Variants in ABTB2 observed in about 807,000 individuals in gnomAD.
ABTB2 encodes the protein ankyrin repeat and BTB/POZ domain-containing protein 2.
A neutral mutation model predicts 104.1 loss-of-function variants in ABTB2; 56 were observed. That is an observed-to-expected ratio of 0.54 (90% CI 0.43 to 0.67). The LOEUF (loss-of-function observed/expected upper bound fraction) is 0.67. Ranked by LOEUF, ABTB2 falls within the 30% of genes least tolerant of loss-of-function variation. The pLI is 0.00. For synonymous variants in ABTB2, 606 were observed against 608.2 expected (o/e 1.00, Z 0.05); for missense variants, 1,279 against 1,407.7 (o/e 0.91, Z 1.46).
intron 1 of ABTB2, among the ~76,000 whole-genome samples, chr11:34,256,431 G>T (rs529534702): frequency 6.6e-6 from 1 of 152,126 alleles, no homozygotes; most frequent in African/African-American, 2.4e-5. Flanking sequence ...AAACAAACCC[G>T]GTTTTGTCAT....
intron 3 of ABTB2, among the ~76,000 whole-genome samples, chr11:34,185,982 AC>A (rs1853092648): frequency 6.6e-6 from 1 of 151,992 alleles, no homozygotes. Flanking sequence ...CAACAACAAA[AC>A]CCCCCAAACC....
intron 2 of ABTB2, among the ~76,000 whole-genome samples, chr11:34,202,464 G>A (rs1309411566): frequency 7.0e-6 from 1 of 142,988 alleles, no homozygotes; most frequent in Non-Finnish European, 1.6e-5. Flanking sequence ...GGATTTTACC[G>A]AGTGAGCCGG....
chr11:34,186,442 G>T (rs994347367), intron 3 of ABTB2, among the ~76,000 whole-genome samples: 5 of 152,180 alleles, frequency 3.3e-5, no homozygotes, highest in Non-Finnish European at 7.3e-5. Context: ...CTCCAGCTTC[G>T]CCTCGGAAGC....
intron 6 of ABTB2, 32 bp downstream of exon 6, chr11:34,167,871 G>C (rs190965884): frequency 8.7e-6 from 14 of 1,610,042 alleles, no homozygotes; most frequent in Non-Finnish European, 1.1e-5. Flanking sequence ...GCTGGCCTAG[G>C]GCCTGGGTGC....
chr11:34,263,205 G>A (rs1854209186), intron 1 of ABTB2, among the ~76,000 whole-genome samples: 1 of 152,090 alleles, frequency 6.6e-6, no homozygotes, highest in African/African-American at 2.4e-5. Flanking sequence ...ACAGAGAGGA[G>A]CCATGGAGTG....
chr11:34,238,140 G>A (rs904709941), intron 1 of ABTB2, among the ~76,000 whole-genome samples: 1 of 152,068 alleles, frequency 6.6e-6, no homozygotes, highest in Non-Finnish European at 1.5e-5. Context: ...AGCCTCTCTG[G>A]CTACCCACAC....
rs533041688 is a variant in ABTB2 at position 34,220,061 on chromosome 11, G to T, written c.884-15371C>A. 7.2e-5 allele frequency among the ~76,000 whole-genome samples: 11 copies of T among 152,344 alleles called. No individual in the cohort carries two copies. In the South Asian group the frequency reaches 1.0e-3, roughly 14 times the overall value. ...AGTTAAGCAACAATATGCAATACCA[G>T]AGGGACTGAAGGGGTGGAGGAGGTA... On this transcript the variant is annotated intron_variant, in intron 1 of 16. Transcript: ENST00000435224.
At chr11:34,317,898 T>G (rs1379601242) in intron 1 of ABTB2, among the ~76,000 whole-genome samples, 2 of 152,106 alleles carry the variant, frequency 1.3e-5, no homozygotes, top group East Asian at 3.8e-4. Context: ...ATTCAAATAT[T>G]GAACACTTTA....
chr11:34,202,551 C>A (rs890763497), intron 2 of ABTB2, among the ~76,000 whole-genome samples: 1 of 152,168 alleles, frequency 6.6e-6, no homozygotes, highest in Admixed American at 6.5e-5. Context: ...TTTAAATGGG[C>A]AGCTTGGGGC....
At chr11:34,265,969 C>T (rs896875674) in intron 1 of ABTB2, among the ~76,000 whole-genome samples, 2 of 152,108 alleles carry the variant, frequency 1.3e-5, no homozygotes, top group African/African-American at 4.8e-5. Context: ...AACTCCATCT[C>T]AAAAAACAGA....
intron 3 of ABTB2, among the ~76,000 whole-genome samples, chr11:34,182,831 T>C (rs1853046866): frequency 6.6e-6 from 1 of 152,104 alleles, no homozygotes; most frequent in African/African-American, 2.4e-5. Context: ...ATCTGCTTCT[T>C]AGAGCTGCCT....
intron 1 of ABTB2, among the ~76,000 whole-genome samples, chr11:34,341,545 C>T (rs142825745): frequency 1.5e-4 from 23 of 152,324 alleles, no homozygotes; most frequent in African/African-American, 5.5e-4. Flanking sequence ...AATATGGTAG[C>T]CACTAGCCAC....
At chr11:34,186,626 C>T (rs988736815) in intron 3 of ABTB2, among the ~76,000 whole-genome samples, 4 of 152,162 alleles carry the variant, frequency 2.6e-5, no homozygotes, top group South Asian at 2.1e-4. Context: ...CTGCGAGGAC[C>T]GGTGGGTCCA....
At chr11:34,323,906 C>CTTTTTTT (rs56375939) in intron 1 of ABTB2, among the ~76,000 whole-genome samples, 2 of 63,920 alleles carry the variant, frequency 3.1e-5, no homozygotes, top group Admixed American at 2.1e-4. Context: ...TAAATTCCCT[C>CTTTTTTT]TTTTTTTTTT....
intron 1 of ABTB2, among the ~76,000 whole-genome samples, chr11:34,281,509 C>A (rs962330893): frequency 1.3e-5 from 2 of 152,208 alleles, no homozygotes; most frequent in African/African-American, 2.4e-5. Flanking sequence ...AATCCTGTAA[C>A]CTTCACCAAC....
chr11:34,263,644 C>T (rs753536678), intron 1 of ABTB2, among the ~76,000 whole-genome samples: 9 of 152,148 alleles, frequency 5.9e-5, no homozygotes, highest in Non-Finnish European at 8.8e-5. Flanking sequence ...CCAGGTGCAG[C>T]AGTGGGTTAA....
intron 1 of ABTB2, among the ~76,000 whole-genome samples, chr11:34,272,732 C>CAAA (rs1491413447): frequency 0.029 from 2,664 of 92,836 alleles, 55 homozygotes; most frequent in South Asian, 0.043. Context: ...AAAAAAAAAA[C>CAAA]CAACCAACCA....
Position 34,154,857 on chromosome 11 carries a change from C to A in ABTB2, c.2698-88G>T. On this transcript the variant is annotated intron_variant, in intron 14 of 16. Coordinates refer to ENST00000435224, the MANE Select transcript of ABTB2 (RefSeq NM_145804.3). This position sits in a 1 kb window ranked among gnomAD's most constrained non-coding sequence, Gnocchi z 4.9. The stretch of plus-strand genomic sequence containing the variant: ...CCCCACAGGGTACTGCTCCAGCTGC[C>A]GCCTCCAGGGGCCTGTCCCTCTGCA... 7.5e-7 allele frequency: 1 copy of A among 1,340,426 alleles called. No individual in the cohort carries two copies. Among genetic ancestry groups the A allele is most frequent in the Non-Finnish European group, 1.1e-6 (1 of 944,460 alleles). 83.0% of individuals were successfully genotyped at this position (1,340,426 alleles called of 1,614,324 possible).
chr11:34,151,686 C>G lies in ABTB2; in HGVS notation c.*701G>C, dbSNP rs1343527664. 6.6e-6 allele frequency: 1 copy of G among 152,396 alleles called. No individual in the cohort carries two copies. Among genetic ancestry groups the G allele is most frequent in the Non-Finnish European group, 1.5e-5 (1 of 68,218 alleles). 9.4% of individuals were successfully genotyped at this position (152,396 alleles called of 1,614,324 possible). On this transcript the variant is annotated 3_prime_UTR_variant, in exon 17 of 17. Transcript: ENST00000435224. Reference sequence around the variant, plus strand: ...CAGACTTAGCTCAGAAACCATCAAGCTGGGGAACTGCCCTCTGCTGCTAAC... The same window carrying G: ...CAGACTTAGCTCAGAAACCATCAAGGTGGGGAACTGCCCTCTGCTGCTAAC...
Sources: allele counts gnomAD v4.1 joint callset (sites outside exome capture counted in the v4.1 genomes callset), GRCh38; gene constraint gnomAD v4.1.1; non-coding constraint Gnocchi (gnomAD v3.1); transcripts MANE v1.5; gene names NCBI Gene and HGNC (gene_info 2026-07-23, HGNC 2026-07-21).